The following PCAT7 variants were observed in gnomAD, a reference collection of about 807,000 sequenced individuals.
The protein encoded by PCAT7 is prostate cancer associated transcript 7 (non-protein coding).
intron 1 of PCAT7, among the ~76,000 whole-genome samples, chr9:94,556,194 T>C (rs1827010265): frequency 7.1e-6 from 1 of 141,284 alleles, no homozygotes; most frequent in African/African-American, 2.7e-5. Flanking sequence ...GAAAAGGCTT[T>C]GGGAAAAGAC....
At chr9:94,567,612 C>G in intron 2 of PCAT7, 1 of 539,384 alleles carries the variant, frequency 1.9e-6, no homozygotes, top group Non-Finnish European at 3.3e-6. Context: ...GAAGCTCTAG[C>G]AGTAACACAG....
chr9:94,565,385 A>AG (rs1554745858), intron 2 of PCAT7, among the ~76,000 whole-genome samples: 1 of 134,916 alleles, frequency 7.4e-6, no homozygotes. Flanking sequence ...AAAAAAAAAA[A>AG]AGATGTTCCC....
rs528131933 is a variant in PCAT7 at position 94,565,543 on chromosome 9, TACAG to T, written n.441+6393_441+6396del. 2.4e-4 allele frequency among the ~76,000 whole-genome samples: 36 copies of T among 152,284 alleles called. No individual in the cohort carries two copies. In the South Asian group the frequency reaches 6.8e-3, roughly 29 times the overall value. On this transcript the variant is annotated intron_variant and non_coding_transcript_variant, in intron 2 of 8. Coordinates refer to ENST00000647389, the Ensembl canonical transcript of PCAT7. Reference sequence around the variant, plus strand: ...AAGTCATAAAATCAAAACATTTAAATACAGAAAGAATCTTTCAGCAGACACACAG... The same window carrying T: ...AAGTCATAAAATCAAAACATTTAAATAAAGAATCTTTCAGCAGACACACAG...
At chr9:94,562,083 G>A (rs907232074) in intron 2 of PCAT7, among the ~76,000 whole-genome samples, 4 of 152,140 alleles carry the variant, frequency 2.6e-5, no homozygotes, top group Non-Finnish European at 5.9e-5. Flanking sequence ...AGGCCAAGGC[G>A]GGCGGATCAC....
At chr9:94,574,291 TA>T (rs1202877691) in intron 3 of PCAT7, among the ~76,000 whole-genome samples, 2 of 152,186 alleles carry the variant, frequency 1.3e-5, no homozygotes, top group African/African-American at 4.8e-5. Flanking sequence ...CCACTAATAA[TA>T]AGAGAGTTCA....
At chr9:94,569,847 A>C (rs577571960) in intron 2 of PCAT7, 1 of 152,360 alleles carries the variant, frequency 6.6e-6, no homozygotes, top group Non-Finnish European at 1.5e-5. Flanking sequence ...CTGCAATCCC[A>C]CAGACCTCAC....
At chr9:94,556,523 T>G (rs1827014741) in intron 1 of PCAT7, among the ~76,000 whole-genome samples, 1 of 152,126 alleles carries the variant, frequency 6.6e-6, no homozygotes, top group South Asian at 2.1e-4. Flanking sequence ...TTTGGGTAGA[T>G]TTTTAAAAAT....
At chr9:94,555,478 CAG>C (rs943443846) in intron 1 of PCAT7, 1 of 146,472 alleles carries the variant, frequency 6.8e-6, no homozygotes, top group African/African-American at 2.6e-5. Flanking sequence ...AAACAGGGTG[CAG>C]AGAGGGAGGG....
chr9:94,566,433 T>G (rs768694995), intron 2 of PCAT7, among the ~76,000 whole-genome samples: 3 of 152,282 alleles, frequency 2.0e-5, no homozygotes, highest in Non-Finnish European at 4.4e-5. Context: ...CTGCTGCAGT[T>G]AACCAGCCCA....
At chr9:94,558,447 A>G (rs979001677) in intron 1 of PCAT7, among the ~76,000 whole-genome samples, 3 of 151,960 alleles carry the variant, frequency 2.0e-5, no homozygotes, top group Non-Finnish European at 4.4e-5. Context: ...GGCGCCCGCC[A>G]CCACGCCCGG....
intron 3 of PCAT7, among the ~76,000 whole-genome samples, chr9:94,573,758 T>C (rs1827291545): frequency 1.3e-5 from 2 of 152,242 alleles, no homozygotes; most frequent in Non-Finnish European, 2.9e-5. Context: ...TTGCATTTAT[T>C]GATAAGGAAT....
At chr9:94,574,588 G>T (rs1827299102) in intron 3 of PCAT7, among the ~76,000 whole-genome samples, 1 of 151,956 alleles carries the variant, frequency 6.6e-6, no homozygotes, top group Admixed American at 6.6e-5. Context: ...GATTGTCATT[G>T]CCTTCTTATT....
chr9:94,566,295 C>G (rs1473356418), intron 2 of PCAT7, among the ~76,000 whole-genome samples: 1 of 152,254 alleles, frequency 6.6e-6, no homozygotes, highest in Non-Finnish European at 1.5e-5. Flanking sequence ...AATGCCCACG[C>G]TGGAAGGTTT....
intron 2 of PCAT7, chr9:94,570,770 A>G (rs1482891839): frequency 6.6e-6 from 1 of 152,190 alleles, no homozygotes; most frequent in Non-Finnish European, 1.5e-5. Context: ...AGTTAACTCC[A>G]TGTCATTTTG....
chr9:94,561,352 A>ACTTTTT lies in PCAT7; in HGVS notation n.441+2200_441+2201insCTTTTT, dbSNP rs1827097696. 9.8e-4 allele frequency among the ~76,000 whole-genome samples: 54 copies of ACTTTTT among 54,994 alleles called. 2 individuals are homozygous for ACTTTTT. The highest frequency in any genetic ancestry group is 4.2e-3 in the African/African-American group (54 of 12,806). The allele number at this position is 54,994 out of a possible 152,430, so 36.1% of individuals were successfully genotyped here. A position where few individuals can be genotyped will look rare whatever the true frequency, so the allele number is the denominator to read the frequency against. Reference sequence around the variant, plus strand: ...GCAGGCCATGTGACATGTGACCTGTATTTTTTTTTTTTTTTTTTTTTTTTT... The same window carrying ACTTTTT: ...GCAGGCCATGTGACATGTGACCTGTACTTTTTTTTTTTTTTTTTTTTTTTTTTTTTT... On this transcript the variant is annotated intron_variant and non_coding_transcript_variant, in intron 2 of 8. Transcript: ENST00000647389.
intron 1 of PCAT7, among the ~76,000 whole-genome samples, chr9:94,556,110 C>T (rs1295376763): frequency 6.9e-6 from 1 of 144,568 alleles, no homozygotes; most frequent in Non-Finnish European, 1.5e-5. Flanking sequence ...CAAGGAGGAG[C>T]CGGGGGAAAG....
chr9:94,567,420 A>G (rs201102588), intron 2 of PCAT7: 19 of 1,612,002 alleles, frequency 1.2e-5, no homozygotes, highest in Non-Finnish European at 1.5e-5. Context: ...AGCAACATGA[A>G]GAGAGATGCC....
intron 2 of PCAT7, chr9:94,567,985 G>A (rs478563): frequency 0.49 from 74,949 of 151,820 alleles, 19,216 homozygotes; most frequent in African/African-American, 0.63. Flanking sequence ...AAAATTGGCC[G>A]GGCGTGGTGG....
chr9:94,567,340 A>C, intron 2 of PCAT7: 1 of 1,614,160 alleles, frequency 6.2e-7, no homozygotes, highest in South Asian at 1.1e-5. Context: ...GCCCTCATTC[A>C]GGCTGTAAAT....
Sources: gnomAD v4.1 joint callset for allele counts (sites outside exome capture counted in the v4.1 genomes callset) on GRCh38, gnomAD v4.1.1 for gene constraint, MANE v1.5 for transcripts, NCBI Gene and HGNC (gene_info 2026-07-23, HGNC 2026-07-21) for gene names.